Variants in HELLS observed in about 807,000 individuals in gnomAD.
HELLS encodes helicase, lymphoid specific.
HELLS carries 32 observed loss-of-function variants against 120.0 expected under a neutral mutation model. The ratio of observed to expected loss-of-function variants is 0.27; its 90% CI spans 0.20 to 0.36. The LOEUF (loss-of-function observed/expected upper bound fraction) is 0.36, where lower values mean the gene tolerates loss of function less well. Among genes scored for constraint, HELLS ranks in the 10% least tolerant of loss-of-function variants. HELLS has a pLI of 1.00. For synonymous variants in HELLS, 341 were observed against 323.4 expected (o/e 1.05, Z -0.58); for missense variants, 650 against 993.4 (o/e 0.65, Z 4.65).
Position 94,554,396 on chromosome 10 carries a change from C to G in HELLS, c.276+148C>G, listed in dbSNP as rs80321732. 3 of 524,256 alleles carry G rather than the reference C, an allele frequency of 5.7e-6. No individual in the cohort carries two copies. The East Asian group carries it at 1.1e-4, about 20-fold the overall frequency. 32.5% of individuals were successfully genotyped at this position (524,256 alleles called of 1,614,324 possible). A position where few individuals can be genotyped will look rare whatever the true frequency, so the allele number is the denominator to read the frequency against. On this transcript the variant is annotated intron_variant, in intron 3 of 21. Transcript: ENST00000348459. ...TAGTAAATATATAGATCTGTGTAAC[C>G]ACCAGCACAATCAAGATACAGTGCA...
At position 94,562,707 on chromosome 10, in the gene HELLS, A is replaced by C; in HGVS notation, c.350A>C (p.Asp117Ala). The C allele has an allele frequency of 6.3e-7, 1 of 1,588,922 alleles. No individual in the cohort carries two copies. Among genetic ancestry groups the C allele is most frequent in the Non-Finnish European group, 8.6e-7 (1 of 1,162,772 alleles). Reference sequence around the variant, plus strand: ...GTTTTGTAGGGTAAAAATTCAATTGATGCAAGTGAAGAGAAGCCAGGTAAA... The same window carrying C: ...GTTTTGTAGGGTAAAAATTCAATTGCTGCAAGTGAAGAGAAGCCAGGTAAA... ...LKVKKGKNSI[D>A]ASEEKPVMRK... Residue 117 changes from aspartate (D) to alanine (A), a missense_variant, in exon 5 of 22, where the codon GAT becomes GCT. By Grantham distance (126) the Asp-to-Ala change is moderately radical. Coordinates refer to ENST00000348459, the MANE Select transcript of HELLS (RefSeq NM_018063.5).
At chr10:94,606,036 A>G (rs1323615834), downstream of HELLS, among the ~76,000 whole-genome samples, 4 of 144,274 alleles carry the variant, frequency 2.8e-5, no homozygotes, top group Non-Finnish European at 1.5e-5. Context: ...AATTAATAAC[A>G]CAGTGATGTG....
intron 12 of HELLS, among the ~76,000 whole-genome samples, chr10:94,586,274 C>T (rs1589750542): frequency 6.6e-6 from 1 of 152,238 alleles, no homozygotes; most frequent in East Asian, 1.9e-4. Context: ...GCGCCTGCCA[C>T]TACGCCTGGC....
At chr10:94,555,489 C>T (rs944553046) in intron 3 of HELLS, among the ~76,000 whole-genome samples, 3 of 152,174 alleles carry the variant, frequency 2.0e-5, no homozygotes, top group African/African-American at 7.2e-5. Flanking sequence ...TGGAGAACTT[C>T]TGGATAGCTG....
intron 2 of HELLS, among the ~76,000 whole-genome samples, 153 bp from the exon 3 acceptor site, chr10:94,553,973 A>G (rs1459656975): frequency 2.0e-5 from 3 of 150,062 alleles, no homozygotes; most frequent in African/African-American, 4.9e-5. Context: ...CCCAAAAACT[A>G]TTTTTTTTTT....
chr10:94,554,764 C>T (rs1014935160), intron 3 of HELLS, among the ~76,000 whole-genome samples: 1 of 151,140 alleles, frequency 6.6e-6, no homozygotes, highest in Non-Finnish European at 1.5e-5. Flanking sequence ...GATTTAGCCT[C>T]ACCCTCAACT....
exon 9 of HELLS, chr10:94,607,983 C>G: frequency 2.5e-6 from 1 of 401,772 alleles, no homozygotes; most frequent in South Asian, 1.8e-5. Context: ...CCTCGGCCTC[C>G]CAAAGTGCTG....
At chr10:94,550,185 G>T (rs1842916353) in intron 2 of HELLS, among the ~76,000 whole-genome samples, 1 of 152,072 alleles carries the variant, frequency 6.6e-6, no homozygotes, top group Admixed American at 6.5e-5. Flanking sequence ...CTCCTAAAGT[G>T]CTGGGATTAC....
intron 10 of HELLS, among the ~76,000 whole-genome samples, chr10:94,580,175 ACACACACACAT>A (rs1844788650): frequency 8.6e-6 from 1 of 115,784 alleles, no homozygotes; most frequent in African/African-American, 3.3e-5. Flanking sequence ...ACACACACAC[ACACACACACAT>A]TTTTTTTTTT....
intron 4 of HELLS, among the ~76,000 whole-genome samples, chr10:94,559,722 G>A (rs1279164610): frequency 6.6e-6 from 1 of 151,556 alleles, no homozygotes; most frequent in African/African-American, 2.4e-5. Context: ...AGGATTACAG[G>A]CGAGAGCCAC....
chr10:94,571,295 T>C, intron 6 of HELLS, 93 bp from the exon 7 acceptor site: 11 of 1,045,240 alleles, frequency 1.1e-5, no homozygotes, highest in Non-Finnish European at 1.5e-5. Context: ...CCTCATTTCC[T>C]GGCAAAATGA....
downstream of HELLS, among the ~76,000 whole-genome samples, chr10:94,605,326 A>C (rs1185849495): frequency 6.6e-6 from 1 of 151,656 alleles, no homozygotes; most frequent in Non-Finnish European, 1.5e-5. Context: ...CAGGTGATCC[A>C]CCCTCCTCGG....
In HELLS at chr10:94,593,510, C is replaced by T; in HGVS notation, c.1983C>T (p.Phe661=). 2 of 1,610,802 alleles carry T rather than the reference C, an allele frequency of 1.2e-6. No individual in the cohort carries two copies. The highest frequency in any genetic ancestry group is 2.2e-5 in the South Asian group (2 of 91,012). The part of the protein sequence containing the change: ...YSEREKNMHS[F]NTDPEVFIFL... ...CTTTTTGCTTTTAGATGCACAGCTT[C>T]AACACGGATCCAGAGGTGTTTATCT... The change falls in exon 18 of 22, where the codon TTC becomes TTT. Residue 661 remains phenylalanine (F), a synonymous_variant. Transcript: ENST00000348459.
At chr10:94,602,463 C>G (rs1243860250), downstream of HELLS, among the ~76,000 whole-genome samples, 3 of 152,146 alleles carry the variant, frequency 2.0e-5, no homozygotes, top group African/African-American at 7.2e-5. Flanking sequence ...ACAATTTAGA[C>G]CCTGTGTGAA....
intron 10 of HELLS, among the ~76,000 whole-genome samples, chr10:94,577,889 G>T (rs980178972): frequency 5.9e-5 from 9 of 151,968 alleles, no homozygotes; most frequent in African/African-American, 2.2e-4. Context: ...GTGAAACCCC[G>T]TCTCTACTAA....
At chr10:94,575,098 ATTTTTTTTT>A (rs570447113) in intron 9 of HELLS, among the ~76,000 whole-genome samples, 12 of 121,812 alleles carry the variant, frequency 9.9e-5, no homozygotes, top group Admixed American at 5.3e-4. Context: ...ACCTTCTGCA[ATTTTTTTTT>A]TTTTTTTTTT....
At chr10:94,597,332 G>T (rs2134127453) in intron 21 of HELLS, among the ~76,000 whole-genome samples, 1 of 152,016 alleles carries the variant, frequency 6.6e-6, no homozygotes. Flanking sequence ...TCTGTAAACT[G>T]GTAAATAACA....
chr10:94,558,081 G>GTTT, intron 3 of HELLS, 58 bp from the exon 4 acceptor site: 1 of 1,410,950 alleles, frequency 7.1e-7, no homozygotes, highest in African/African-American at 1.5e-5. Context: ...ATTGATATGC[G>GTTT]TTTTTTTTTT....
intron 9 of HELLS, among the ~76,000 whole-genome samples, chr10:94,576,150 G>GT (rs1458261970): frequency 6.6e-6 from 1 of 151,856 alleles, no homozygotes; most frequent in Non-Finnish European, 1.5e-5. Context: ...ATGTTGCTCT[G>GT]TTGCTCAGGC....
Sources: allele counts gnomAD v4.1 joint callset (sites outside exome capture counted in the v4.1 genomes callset), GRCh38; gene constraint gnomAD v4.1.1; transcripts MANE v1.5; gene names NCBI Gene and HGNC (gene_info 2026-07-23, HGNC 2026-07-21).